The following ABCA13 variants were observed in gnomAD, a reference collection of about 807,000 sequenced individuals.
ABCA13 encodes the protein ATP binding cassette subfamily A member 13.
Under a neutral mutation model 478.7 loss-of-function variants are expected in ABCA13, and 476 were observed. The observed-to-expected ratio is 0.99, with a 90% CI of 0.92 to 1.07. The LOEUF (loss-of-function observed/expected upper bound fraction) is 1.07, where lower values mean the gene tolerates loss of function less well. Ranked by LOEUF, ABCA13 falls within the 50% of genes least tolerant of loss-of-function variation. The pLI is 0.00. For missense variants in ABCA13, 6,060 were observed against 5,910.6 expected (o/e 1.03, Z -0.83); for synonymous variants, 2,252 against 2,158.9 (o/e 1.04, Z -1.20).
chr7:48,591,062 G>A lies in ABCA13; in HGVS notation c.14641-3648G>A, dbSNP rs1206628742. On this transcript the variant is annotated intron_variant, in intron 57 of 61. Coordinates refer to ENST00000435803, the MANE Select transcript of ABCA13 (RefSeq NM_152701.5). The stretch of plus-strand genomic sequence containing the variant: ...CAAGCAAAACATTGCCAAGACCAAT[G>A]TCAAGGAGCTCTTCTTTTTTTTTTT... Among the ~76,000 whole-genome samples the A allele has an allele frequency of 2.0e-5, 3 of 149,210 alleles. No individual in the cohort carries two copies. In the East Asian group the frequency reaches 5.9e-4, roughly 30 times the overall value.
At position 48,278,329 on chromosome 7, in the gene ABCA13, A is replaced by C. The variant is rs779619978; in HGVS notation, c.7135A>C (p.Thr2379Pro). 5.0e-6 allele frequency: 8 copies of C among 1,612,932 alleles called. No individual in the cohort carries two copies. Among genetic ancestry groups the C allele is most frequent in the Non-Finnish European group, 6.8e-6 (8 of 1,179,340 alleles). The change falls in exon 18 of 62, where the codon ACT becomes CCT. Residue 2379 changes from threonine to proline, a missense_variant. Thr to Pro is a conservative substitution (Grantham distance 38). Around this residue, in one of 3 missense-constraint regions of ABCA13, gnomAD observed 4,423 missense variants for 4,309.1 expected, o/e 1.03. Coordinates refer to ENST00000435803, the MANE Select transcript of ABCA13 (RefSeq NM_152701.5). ...CAGGGAAACTTCAATGAAAAATAAG[A>C]CTGAAAATAATATAGACTTTTTCAC... ...LLRETSMKNK[T>P]ENNIDFFTVV...
chr7:48,328,510 C>T (rs1036742946), intron 27 of ABCA13, among the ~76,000 whole-genome samples: 2 of 152,222 alleles, frequency 1.3e-5, no homozygotes, highest in Non-Finnish European at 2.9e-5. Context: ...TCTAAGACAG[C>T]AGTATCAGTA....
intron 55 of ABCA13, among the ~76,000 whole-genome samples, chr7:48,576,741 A>C (rs755935777): frequency 8.5e-5 from 13 of 152,178 alleles, no homozygotes; most frequent in Non-Finnish European, 1.9e-4. Context: ...AACTGGGTAT[A>C]AACAGAAGGA....
intron 3 of ABCA13, among the ~76,000 whole-genome samples, chr7:48,214,024 A>G (rs1314378699): frequency 2.6e-5 from 4 of 152,192 alleles, no homozygotes; most frequent in Non-Finnish European, 4.4e-5. Flanking sequence ...CTATGACTCT[A>G]TAGCTTTATG....
chr7:48,366,619 G>A (rs1469941998), intron 31 of ABCA13, among the ~76,000 whole-genome samples: 1 of 151,998 alleles, frequency 6.6e-6, no homozygotes, highest in African/African-American at 2.4e-5. Context: ...AAAGTGTAAG[G>A]GGAAGAGGGT....
intron 3 of ABCA13, among the ~76,000 whole-genome samples, chr7:48,211,826 C>A (rs1785700847): frequency 6.6e-6 from 1 of 151,922 alleles, no homozygotes; most frequent in Non-Finnish European, 1.5e-5. Flanking sequence ...AGTGGCTGAA[C>A]TGGTATCCAG....
At chr7:48,513,874 C>T (rs959479506) in intron 51 of ABCA13, among the ~76,000 whole-genome samples, 2 of 152,024 alleles carry the variant, frequency 1.3e-5, no homozygotes, top group Non-Finnish European at 2.9e-5. Context: ...GAATCATAGC[C>T]CGTTGAAAAC....
chr7:48,424,563 A>T (rs2129130005), intron 41 of ABCA13, among the ~76,000 whole-genome samples: 1 of 152,318 alleles, frequency 6.6e-6, no homozygotes. Context: ...GCAGTTGTGA[A>T]CAACAACTTA....
chr7:48,227,592 C>T (rs1300628271), intron 6 of ABCA13, among the ~76,000 whole-genome samples, 167 bp downstream of exon 6: 1 of 152,144 alleles, frequency 6.6e-6, no homozygotes. Flanking sequence ...CCTCATCTGT[C>T]TGTGTACATA....
At chr7:48,396,447 G>T (rs1816845297) in intron 38 of ABCA13, among the ~76,000 whole-genome samples, 1 of 152,198 alleles carries the variant, frequency 6.6e-6, no homozygotes, top group Non-Finnish European at 1.5e-5. Flanking sequence ...TGGGATATGG[G>T]CAGAGGCTCC....
intron 48 of ABCA13, among the ~76,000 whole-genome samples, chr7:48,504,053 A>G (rs1260357189): frequency 1.3e-5 from 2 of 152,244 alleles, no homozygotes; most frequent in East Asian, 3.8e-4. Flanking sequence ...AAATGAAAGC[A>G]ATAATAATTG....
intron 11 of ABCA13, 103 bp downstream of exon 11, chr7:48,244,806 G>C: frequency 7.1e-7 from 1 of 1,407,948 alleles, no homozygotes; most frequent in East Asian, 2.3e-5. Flanking sequence ...AAAGTTGGGA[G>C]ATAACTTTGC....
chr7:48,579,187 T>C (rs758435996), intron 55 of ABCA13, among the ~76,000 whole-genome samples: 11 of 151,978 alleles, frequency 7.2e-5, no homozygotes, highest in Non-Finnish European at 1.0e-4. Flanking sequence ...TGTTAAGACA[T>C]TAAAAAGTCA....
chr7:48,467,097 G>A (rs371717528), intron 44 of ABCA13, 52 bp downstream of exon 44: 40 of 1,520,426 alleles, frequency 2.6e-5, no homozygotes, highest in Non-Finnish European at 3.6e-5. Context: ...TGGTAATATT[G>A]TAGCCTGGGA....
intron 27 of ABCA13, among the ~76,000 whole-genome samples, chr7:48,332,081 C>T (rs551335661): frequency 3.0e-3 from 456 of 152,316 alleles, no homozygotes; most frequent in Non-Finnish European, 4.6e-3. Flanking sequence ...GGAGTTCATT[C>T]ATTTTTATTG....
chr7:48,608,947 TTTG>T lies in ABCA13; in HGVS notation c.14745-6320_14745-6318del, dbSNP rs561500969. 3.9e-5 allele frequency among the ~76,000 whole-genome samples: 6 copies of T among 152,234 alleles called. No homozygotes were observed. The East Asian group carries it at 5.8e-4, about 15-fold the overall frequency. ...CCTAGTTGGAAGTCCTACCCTGGGA[TTTG>T]TTGTTGTTGTTGTTGTTTTTCTTGT... is the stretch of plus-strand genomic sequence containing the variant. On this transcript the variant is annotated intron_variant, in intron 58 of 61. Coordinates refer to ENST00000435803, the MANE Select transcript of ABCA13 (RefSeq NM_152701.5).
At chr7:48,424,812 C>G (rs1265481427) in intron 41 of ABCA13, among the ~76,000 whole-genome samples, 3 of 152,204 alleles carry the variant, frequency 2.0e-5, no homozygotes, top group Non-Finnish European at 4.4e-5. Flanking sequence ...AGTCTGCCAT[C>G]AAGACTCCAA....
chr7:48,210,970 C>T (rs1785564577), intron 3 of ABCA13, among the ~76,000 whole-genome samples: 1 of 152,168 alleles, frequency 6.6e-6, no homozygotes, highest in South Asian at 2.1e-4. Flanking sequence ...ATATTGAGAT[C>T]TCTCTCTCTT....
At position 48,355,492 on chromosome 7, in the gene ABCA13, C is replaced by T. The variant is rs536397989; in HGVS notation, c.10688+3005C>T. Among the ~76,000 whole-genome samples the T allele has an allele frequency of 4.6e-5, 7 of 152,062 alleles. No individual in the cohort carries two copies. In the East Asian group the frequency reaches 7.7e-4, roughly 17 times the overall value. On this transcript the variant is annotated intron_variant, in intron 31 of 61. Transcript: ENST00000435803. ...GTATTAAAAGACTGCTGGAGAGTTT[C>T]GAGCAGGAGTGATGTCATCATCTGA...
Sources: gnomAD v4.1 joint callset for allele counts (sites outside exome capture counted in the v4.1 genomes callset) on GRCh38, gnomAD v4.1.1 for gene constraint, gnomAD v4.1.1 regional missense constraint, MANE v1.5 for transcripts, NCBI Gene and HGNC (gene_info 2026-07-23, HGNC 2026-07-21) for gene names.